The following SNAP47 variants were observed in gnomAD, a reference collection of about 807,000 sequenced individuals.
The protein encoded by SNAP47 is synaptosome associated protein 47, also known as synaptosomal-associated protein 47.
A neutral mutation model predicts 31.4 loss-of-function variants in SNAP47; 20 were observed. The observed-to-expected ratio is 0.64, with a 90% confidence interval of 0.45 to 0.93. SNAP47 has a LOEUF of 0.93. Ranked by LOEUF, SNAP47 falls within the 40% of genes least tolerant of loss-of-function variation. The pLI is 0.00. For missense variants in SNAP47, 492 were observed against 528.5 expected (o/e 0.93, Z 0.68); for synonymous variants, 194 against 213.4 (o/e 0.91, Z 0.79).
upstream of SNAP47, chr1:227,733,897 G>A (rs377131254): frequency 8.1e-6 from 13 of 1,612,936 alleles, no homozygotes; most frequent in African/African-American, 1.3e-4. Context: ...TCCCACATCC[G>A]TGGCCTCACC....
intron 1 of SNAP47, among the ~76,000 whole-genome samples, chr1:227,740,225 G>T (rs974554321): frequency 2.0e-5 from 3 of 152,238 alleles, no homozygotes; most frequent in African/African-American, 7.2e-5. Flanking sequence ...GTGTGGAAAG[G>T]CTGCTGGGAG....
At chr1:227,734,742 T>C (rs762093592), upstream of SNAP47, 12 of 1,614,194 alleles carry the variant, frequency 7.4e-6, no homozygotes, top group Non-Finnish European at 1.0e-5. Flanking sequence ...ATGTAGTCTC[T>C]GAGAGTCATG....
intron 4 of SNAP47, among the ~76,000 whole-genome samples, chr1:227,773,127 A>ATTTTTT (rs34140624): frequency 1.2e-4 from 12 of 102,372 alleles, no homozygotes; most frequent in Non-Finnish European, 2.1e-4. Flanking sequence ...CGTCCAGCTA[A>ATTTTTT]TTTTTTTTTT....
In SNAP47 at chr1:227,773,127, A is replaced by ATT. The variant is rs34140624; in HGVS notation, c.1113+6067_1113+6068dup. 6.2e-3 allele frequency among the ~76,000 whole-genome samples: 635 copies of ATT among 102,382 alleles called. 10 individuals are homozygous for ATT. Among genetic ancestry groups the ATT allele is most frequent in the East Asian group, 0.022 (72 of 3,290 alleles). 67.2% of individuals were successfully genotyped at this position (102,382 alleles called of 152,430 possible). A position where few individuals can be genotyped will look rare whatever the true frequency, so the allele number is the denominator to read the frequency against. On this transcript the variant is annotated intron_variant, in intron 4 of 4. Coordinates refer to ENST00000617596, the MANE Select transcript of SNAP47 (RefSeq NM_053052.4). Reference sequence around the variant, plus strand: ...AGGTGTGCACCACCACGTCCAGCTAATTTTTTTTTTTTTTTTTTTTTTTTG... The same window carrying ATT: ...AGGTGTGCACCACCACGTCCAGCTAATTTTTTTTTTTTTTTTTTTTTTTTTTG...
intron 1 of SNAP47, among the ~76,000 whole-genome samples, chr1:227,738,494 A>G (rs1661384080): frequency 6.6e-6 from 1 of 152,150 alleles, no homozygotes; most frequent in Non-Finnish European, 1.5e-5. Flanking sequence ...ACACTCACAC[A>G]TACACAGTCT....
upstream of SNAP47, among the ~76,000 whole-genome samples, chr1:227,730,208 G>A (rs1210729279): frequency 6.6e-6 from 1 of 152,164 alleles, no homozygotes; most frequent in Non-Finnish European, 1.5e-5. Context: ...CCAGGAGGTT[G>A]GTTCCCAGGG....
At chr1:227,774,235 T>C (rs537175998) in intron 4 of SNAP47, among the ~76,000 whole-genome samples, 1 of 152,340 alleles carries the variant, frequency 6.6e-6, no homozygotes, top group Admixed American at 6.5e-5. Context: ...TGTTCCTGTT[T>C]CTGTATGGAT....
intron 1 of SNAP47, among the ~76,000 whole-genome samples, chr1:227,739,651 G>T (rs1053436793): frequency 2.6e-5 from 4 of 152,234 alleles, no homozygotes; most frequent in Admixed American, 6.5e-5. Flanking sequence ...TGTTTACTGG[G>T]TACTGAGCCT....
intron 2 of SNAP47, among the ~76,000 whole-genome samples, chr1:227,752,514 C>T (rs1290878266): frequency 6.6e-6 from 1 of 152,158 alleles, no homozygotes; most frequent in African/African-American, 2.4e-5. Flanking sequence ...GTGCCTTTCA[C>T]TCAGCATAAT....
upstream of SNAP47, chr1:227,731,563 G>A (rs1014329984): frequency 1.3e-5 from 2 of 152,338 alleles, no homozygotes; most frequent in Non-Finnish European, 2.9e-5. Context: ...AGGATCCCAC[G>A]AGAGTCCATT....
chr1:227,738,369 A>G (rs1661372405), intron 1 of SNAP47, among the ~76,000 whole-genome samples: 1 of 152,082 alleles, frequency 6.6e-6, no homozygotes, highest in South Asian at 2.1e-4. Flanking sequence ...TTCCTGGTGT[A>G]GAGCCGGCTT....
At chr1:227,770,730 A>G (rs1319848029) in intron 4 of SNAP47, 1 of 154,462 alleles carries the variant, frequency 6.5e-6, no homozygotes, top group African/African-American at 2.4e-5. Flanking sequence ...AATGAATGTA[A>G]GATAATCATA....
At chr1:227,732,702 GCTAACAC>G, upstream of SNAP47, 1 of 1,609,154 alleles carries the variant, frequency 6.2e-7, no homozygotes, top group Non-Finnish European at 8.5e-7. Flanking sequence ...AGGCCAGTGA[GCTAACAC>G]CATGGACACA....
At chr1:227,744,596 A>G (rs988610480) in intron 1 of SNAP47, among the ~76,000 whole-genome samples, 2 of 119,274 alleles carry the variant, frequency 1.7e-5, no homozygotes, top group Admixed American at 2.3e-4. Flanking sequence ...CTTCCTCCTC[A>G]TCCTTCTGTG....
In SNAP47 at chr1:227,767,025, T is replaced by C. The variant is rs760505853; in HGVS notation, c.1055T>C (p.Leu352Pro). ...PPAGDQEGTA[L>P]HLQTSLPALS... ...GCAGGAGACCAGGAGGGCACAGCAC[T>C]GCACCTGCAGACAAGCCTGCCAGCC... Residue 352 changes from leucine (L) to proline (P), a missense_variant, in exon 4 of 5, where the codon CTG (leucine) becomes CCG (proline). Physicochemically the swap from Leu to Pro is moderately conservative, Grantham distance 98. Coordinates refer to ENST00000617596, the MANE Select transcript of SNAP47 (RefSeq NM_053052.4). 16 of 1,613,920 alleles carry C rather than the reference T, an allele frequency of 9.9e-6. No homozygotes were observed. Among genetic ancestry groups the C allele is most frequent in the African/African-American group, 2.7e-5 (2 of 74,950 alleles).
intron 1 of SNAP47, among the ~76,000 whole-genome samples, chr1:227,744,327 G>C (rs1401210298): frequency 1.3e-5 from 2 of 152,100 alleles, no homozygotes; most frequent in Non-Finnish European, 2.9e-5. Flanking sequence ...CTACAGAGTG[G>C]ACACCAACAG....
chr1:227,735,343 C>T (rs369831747), upstream of SNAP47: 76 of 1,597,288 alleles, frequency 4.8e-5, no homozygotes, highest in African/African-American at 8.5e-4. Context: ...GGACCAGCCT[C>T]GGAACCAGAA....
intron 2 of SNAP47, among the ~76,000 whole-genome samples, chr1:227,758,065 G>T (rs943102774): frequency 3.9e-5 from 6 of 152,214 alleles, no homozygotes; most frequent in African/African-American, 1.4e-4. Context: ...CCCAAGGGAA[G>T]CCCTTAGCTC....
In SNAP47 at chr1:227,763,577, C is replaced by T. The variant is rs879581305; in HGVS notation, c.989-3382C>T. ...AGCACCCAGGAGCCTGCTGTGGCAC[C>T]GCGGGCTCGGGTTGGGCTGACTGGG... On this transcript the variant is annotated intron_variant, in intron 3 of 4. Coordinates refer to ENST00000617596, the MANE Select transcript of SNAP47 (RefSeq NM_053052.4). This position sits in a 1 kb window ranked among gnomAD's most constrained non-coding sequence, Gnocchi z 4.2. 2.0e-5 allele frequency among the ~76,000 whole-genome samples: 3 copies of T among 152,192 alleles called. No individual in the cohort carries two copies. The highest frequency in any genetic ancestry group is 2.9e-5 in the Non-Finnish European group (2 of 68,022).
Sources: gnomAD v4.1 joint callset for allele counts (sites outside exome capture counted in the v4.1 genomes callset) on GRCh38, gnomAD v4.1.1 for gene constraint, Gnocchi (gnomAD v3.1) non-coding constraint, MANE v1.5 for transcripts, NCBI Gene and HGNC (gene_info 2026-07-23, HGNC 2026-07-21) for gene names.